ANO10: variants seen among roughly 807,000 people sequenced by gnomAD.
ANO10 encodes anoctamin-10.
ANO10 carries 77 observed loss-of-function variants against 74.7 expected under a neutral mutation model. The observed-to-expected ratio is 1.03, with a 90% CI of 0.86 to 1.25. The LOEUF (loss-of-function observed/expected upper bound fraction) is 1.25. ANO10 is among the 50% of genes most tolerant of loss of function. The probability of loss-of-function intolerance (pLI) is 0.00; values close to 1 mark genes in which losing one functional copy is unlikely to be tolerated. For synonymous variants in ANO10, 279 were observed against 284.9 expected (o/e 0.98, Z 0.21); for missense variants, 721 against 778.1 (o/e 0.93, Z 0.87).
intron 11 of ANO10, among the ~76,000 whole-genome samples, chr3:43,442,895 C>G (rs1268847479): frequency 6.6e-6 from 1 of 152,178 alleles, no homozygotes; most frequent in African/African-American, 2.4e-5. Context: ...TATAGAAAGA[C>G]TGAAAACTCT....
chr3:43,527,245 C>A (rs1387906668), intron 11 of ANO10, among the ~76,000 whole-genome samples: 1 of 151,948 alleles, frequency 6.6e-6, no homozygotes, highest in Non-Finnish European at 1.5e-5. Flanking sequence ...TACAACATAT[C>A]CAGCATGCTC....
intron 11 of ANO10, among the ~76,000 whole-genome samples, chr3:43,531,446 T>C (rs186185972): frequency 6.6e-6 from 1 of 152,320 alleles, no homozygotes; most frequent in East Asian, 1.9e-4. Context: ...CTAATGTCTA[T>C]GGAAGAGTCT....
chr3:43,610,553 G>A (rs1324511023), intron 1 of ANO10, among the ~76,000 whole-genome samples: 1 of 152,182 alleles, frequency 6.6e-6, no homozygotes, highest in Admixed American at 6.5e-5. Flanking sequence ...TGAATACTGT[G>A]TTACACTACG....
intron 1 of ANO10, among the ~76,000 whole-genome samples, chr3:43,648,900 A>G (rs1269419753): frequency 6.6e-6 from 1 of 152,016 alleles, no homozygotes; most frequent in African/African-American, 2.4e-5. Context: ...GATAGTCTCC[A>G]TCTCCTGACC....
At position 43,600,467 on chromosome 3, in the gene ANO10, G is replaced by A. The variant is rs139217098; in HGVS notation, c.254C>T (p.Ala85Val). Residue 85 changes from alanine (A) to valine (V), a missense_variant, in exon 3 of 13, where the codon GCA (alanine) becomes GTA (valine). By Grantham distance (64) the Ala-to-Val change is moderately conservative. Transcript: ENST00000292246. ...ATTGCACTCTTTTACCAATCCCACT[G>A]CTTCTGCCCCTAGTAACATTCTAAT... ...SKIRMLLGAE[A>V]VGLVKECNDN... is the part of the protein sequence containing the mutation. 7 of 1,613,968 alleles carry A rather than the reference G, an allele frequency of 4.3e-6. No homozygotes were observed. Among genetic ancestry groups the A allele is most frequent in the Non-Finnish European group, 5.9e-6 (7 of 1,180,014 alleles).
intron 1 of ANO10, among the ~76,000 whole-genome samples, chr3:43,617,078 T>C (rs2149532876): frequency 6.6e-6 from 1 of 150,754 alleles, no homozygotes; most frequent in South Asian, 2.1e-4. Flanking sequence ...ACAAGAAGCC[T>C]CATGGCAGCC....
chr3:43,496,887 T>C (rs973942982), intron 11 of ANO10, among the ~76,000 whole-genome samples: 11 of 152,172 alleles, frequency 7.2e-5, no homozygotes, highest in African/African-American at 2.7e-4. Flanking sequence ...CCTCAAGATG[T>C]ACAGTGATGT....
chr3:43,514,655 C>G (rs1218522180), intron 11 of ANO10, among the ~76,000 whole-genome samples: 1 of 152,126 alleles, frequency 6.6e-6, no homozygotes, highest in Non-Finnish European at 1.5e-5. Flanking sequence ...AACATTCTAC[C>G]CAACAATACC....
At chr3:43,646,754 C>T (rs987301294) in intron 1 of ANO10, among the ~76,000 whole-genome samples, 1 of 152,124 alleles carries the variant, frequency 6.6e-6, no homozygotes, top group Non-Finnish European at 1.5e-5. Context: ...AGGTGATCTG[C>T]CTGCCTCAGC....
intron 11 of ANO10, among the ~76,000 whole-genome samples, chr3:43,505,085 T>C (rs576229830): frequency 1.3e-5 from 2 of 152,358 alleles, no homozygotes; most frequent in Admixed American, 1.3e-4. Context: ...TTTACTAAAA[T>C]TTAAGTAGAA....
intron 12 of ANO10, among the ~76,000 whole-genome samples, chr3:43,424,088 A>T (rs190397238): frequency 6.6e-6 from 1 of 152,260 alleles, no homozygotes; most frequent in Non-Finnish European, 1.5e-5. Context: ...GGTCTTACTC[A>T]CATTGCCTCA....
At chr3:43,570,464 T>C (rs113283980) in intron 7 of ANO10, among the ~76,000 whole-genome samples, 1 of 151,710 alleles carries the variant, frequency 6.6e-6, no homozygotes, top group Non-Finnish European at 1.5e-5. Context: ...CAAAACAGCA[T>C]GGTACTGGTA....
chr3:43,371,753 T>C (rs554226381), intron 12 of ANO10, among the ~76,000 whole-genome samples: 1 of 152,204 alleles, frequency 6.6e-6, no homozygotes, highest in Admixed American at 6.5e-5. Context: ...AGGCAGCTTA[T>C]TGAGGACATG....
At chr3:43,456,144 C>T (rs1432479513) in intron 11 of ANO10, among the ~76,000 whole-genome samples, 3 of 152,090 alleles carry the variant, frequency 2.0e-5, no homozygotes, top group Non-Finnish European at 2.9e-5. Flanking sequence ...TGAGCAGGTA[C>T]GGCGGTCACC....
At chr3:43,387,217 T>A (rs1400756044) in intron 12 of ANO10, among the ~76,000 whole-genome samples, 3 of 152,164 alleles carry the variant, frequency 2.0e-5, no homozygotes, top group Non-Finnish European at 4.4e-5. Context: ...ATGGGAAGTA[T>A]CTGTGTATCT....
At chr3:43,488,048 G>C (rs946768707) in intron 11 of ANO10, among the ~76,000 whole-genome samples, 14 of 152,238 alleles carry the variant, frequency 9.2e-5, no homozygotes, top group East Asian at 5.8e-4. Context: ...TGAAAAACCT[G>C]ACAAAAACAA....
At chr3:43,668,465 T>C (rs1344976060) in intron 1 of ANO10, among the ~76,000 whole-genome samples, 1 of 152,132 alleles carries the variant, frequency 6.6e-6, no homozygotes, top group African/African-American at 2.4e-5. Flanking sequence ...TTTTGTTGCA[T>C]TTGCTTTGGG....
intron 12 of ANO10, among the ~76,000 whole-genome samples, chr3:43,410,642 T>C (rs1294820086): frequency 1.3e-5 from 2 of 152,142 alleles, no homozygotes; most frequent in Non-Finnish European, 2.9e-5. Context: ...TAAACTATTT[T>C]GATGTGCTCT....
chr3:43,656,737 C>T (rs1184833600), intron 1 of ANO10, among the ~76,000 whole-genome samples: 1 of 152,256 alleles, frequency 6.6e-6, no homozygotes, highest in Non-Finnish European at 1.5e-5. Context: ...GCCCGCCAAG[C>T]CCACGCCCAC....
Sources: gnomAD v4.1 joint callset for allele counts (sites outside exome capture counted in the v4.1 genomes callset) on GRCh38, gnomAD v4.1.1 for gene constraint, MANE v1.5 for transcripts, NCBI Gene and HGNC (gene_info 2026-07-23, HGNC 2026-07-21) for gene names.